ZSCAN5A: variants seen among roughly 807,000 people sequenced by gnomAD.
ZSCAN5A encodes the protein zinc finger and SCAN domain-containing protein 5A.
In ZSCAN5A, 12 loss-of-function variants were observed where a neutral mutation model predicts 23.7. The ratio of observed to expected loss-of-function variants is 0.51; its 90% CI spans 0.32 to 0.82. The LOEUF (loss-of-function observed/expected upper bound fraction) is 0.82, where lower values mean the gene tolerates loss of function less well. Among genes scored for constraint, ZSCAN5A ranks in the 40% least tolerant of loss-of-function variants. The pLI, the probability that ZSCAN5A is intolerant of heterozygous loss-of-function variation, is 0.03. For synonymous variants in ZSCAN5A, 257 were observed against 239.9 expected, an observed-to-expected ratio of 1.07 and a Z score of -0.66; for missense variants, 597 against 617.9, an observed-to-expected ratio of 0.97 and a Z score of 0.36.
At chr19:56,326,105 T>C (rs112540465) in intron 2 of ZSCAN5A, among the ~76,000 whole-genome samples, 4,660 of 151,950 alleles carry the variant, frequency 0.031, 215 homozygotes, top group African/African-American at 0.1. Flanking sequence ...GCTAATTTTT[T>C]TTTTTGTATT....
chr19:56,368,062 G>C (rs1395327387), intron 1 of ZSCAN5A: 1 of 152,344 alleles, frequency 6.6e-6, no homozygotes, highest in Non-Finnish European at 1.5e-5. Flanking sequence ...TTGATTCTCT[G>C]CGCAGGCGCA....
intron 2 of ZSCAN5A, among the ~76,000 whole-genome samples, chr19:56,348,361 T>C (rs2041647951): frequency 6.6e-6 from 1 of 152,176 alleles, no homozygotes; most frequent in Admixed American, 6.5e-5. Flanking sequence ...TGCAAGCCAT[T>C]GTCATGATAG....
At chr19:56,341,702 C>CAAAAGAA (rs2041593596) in intron 2 of ZSCAN5A, among the ~76,000 whole-genome samples, 1 of 53,782 alleles carries the variant, frequency 1.9e-5, no homozygotes, top group Non-Finnish European at 3.5e-5. Context: ...TACCAAAAGG[C>CAAAAGAA]AAAAAAAAAA....
intron 2 of ZSCAN5A, among the ~76,000 whole-genome samples, chr19:56,329,250 G>C (rs185719234): frequency 4.7e-4 from 71 of 152,008 alleles, no homozygotes; most frequent in African/African-American, 1.7e-3. Context: ...TTAAGAGGCT[G>C]AGGCACGAGA....
At chr19:56,249,732 G>C (rs1487104282) in intron 2 of ZSCAN5A, among the ~76,000 whole-genome samples, 2 of 152,156 alleles carry the variant, frequency 1.3e-5, no homozygotes, top group African/African-American at 4.8e-5. Context: ...CTATTTTATT[G>C]AGACCTCCTC....
chr19:56,228,247 C>T (rs1465624208), intron 2 of ZSCAN5A: 57 of 985,254 alleles, frequency 5.8e-5, no homozygotes, highest in Non-Finnish European at 6.5e-5. Context: ...CCGCTGGACA[C>T]TCACCTCCTT....
At chr19:56,233,118 G>T (rs1368055501) in intron 2 of ZSCAN5A, among the ~76,000 whole-genome samples, 1 of 152,130 alleles carries the variant, frequency 6.6e-6, no homozygotes, top group Non-Finnish European at 1.5e-5. Flanking sequence ...TTTAGGAGTT[G>T]GCAGTGTCAA....
chr19:56,343,559 G>C, intron 2 of ZSCAN5A: 3 of 357,416 alleles, frequency 8.4e-6, no homozygotes, highest in Non-Finnish European at 1.6e-5. Context: ...AACCCTGAGA[G>C]AGGTACTATT....
At chr19:56,292,046 T>A (rs931296034) in intron 2 of ZSCAN5A, among the ~76,000 whole-genome samples, 16 of 152,190 alleles carry the variant, frequency 1.1e-4, no homozygotes, top group African/African-American at 3.4e-4. Flanking sequence ...AGACTGGGCA[T>A]CCCAGTGGTG....
chr19:56,333,349 T>A (rs1473477320), intron 2 of ZSCAN5A, among the ~76,000 whole-genome samples: 1 of 151,724 alleles, frequency 6.6e-6, no homozygotes, highest in African/African-American at 2.4e-5. Flanking sequence ...AGACTTTATT[T>A]TTTTTTTAAT....
chr19:56,366,218 C>T (rs915716860), intron 1 of ZSCAN5A, among the ~76,000 whole-genome samples: 26 of 152,028 alleles, frequency 1.7e-4, no homozygotes, highest in African/African-American at 6.0e-4. Context: ...CCGAGGCGGG[C>T]GGATCACGAG....
At chr19:56,222,781 A>G (rs1017842317) in intron 4 of ZSCAN5A, 40 bp from the exon 5 acceptor site, 4 of 1,613,574 alleles carry the variant, frequency 2.5e-6, no homozygotes, top group Non-Finnish European at 3.4e-6. Flanking sequence ...GCTGTGTCCA[A>G]ACTGGTGGAA....
Position 56,251,148 on chromosome 19 carries a change from T to TAAA in ZSCAN5A, c.-127-25978_-127-25976dup, listed in dbSNP as rs34825803. Reference sequence around the variant, plus strand: ...CTGGGCAACAGAGCTAGACTCCGTGTAAAAAAAAAAAAAAAAAAGACCACT... The same window carrying TAAA: ...CTGGGCAACAGAGCTAGACTCCGTGTAAAAAAAAAAAAAAAAAAAAAGACCACT... On this transcript the variant is annotated intron_variant, in intron 2 of 5. Transcript: ENST00000683990. 3.6e-3 allele frequency among the ~76,000 whole-genome samples: 473 copies of TAAA among 131,030 alleles called. 5 individuals carry two copies. Among genetic ancestry groups the TAAA allele is most frequent in the African/African-American group, 9.9e-3 (343 of 34,810 alleles). The allele number at this position is 131,030 out of a possible 152,430, so 86.0% of individuals were successfully genotyped here. A position where few individuals can be genotyped will look rare whatever the true frequency, so the allele number is the denominator to read the frequency against.
At chr19:56,331,930 T>A (rs2041493828) in intron 2 of ZSCAN5A, among the ~76,000 whole-genome samples, 1 of 152,150 alleles carries the variant, frequency 6.6e-6, no homozygotes, top group Non-Finnish European at 1.5e-5. Context: ...AATTTCATTG[T>A]TTACCTAAAA....
chr19:56,366,422 C>CAAAAAAA (rs34420866), intron 1 of ZSCAN5A, among the ~76,000 whole-genome samples: 1 of 83,168 alleles, frequency 1.2e-5, no homozygotes, highest in Non-Finnish European at 2.8e-5. Flanking sequence ...GACTCTGTCT[C>CAAAAAAA]AAAAAAAAAA....
intron 2 of ZSCAN5A, among the ~76,000 whole-genome samples, chr19:56,260,725 C>T (rs1191727719): frequency 1.3e-5 from 2 of 152,146 alleles, no homozygotes; most frequent in East Asian, 1.9e-4. Flanking sequence ...AAAAGTAATA[C>T]TAAGGATACA....
At chr19:56,247,046 A>G in intron 2 of ZSCAN5A, 1 of 830,626 alleles carries the variant, frequency 1.2e-6, no homozygotes, top group Non-Finnish European at 2.1e-6. Flanking sequence ...GAAGCCAAGG[A>G]ACTGCTGCCC....
At chr19:56,311,991 C>T (rs2041067799) in intron 2 of ZSCAN5A, 1 of 152,176 alleles carries the variant, frequency 6.6e-6, no homozygotes, top group Non-Finnish European at 1.5e-5. Flanking sequence ...GTGAGCCACA[C>T]TTATTTCACA....
intron 2 of ZSCAN5A, among the ~76,000 whole-genome samples, chr19:56,302,601 TTCTTCCTCTCCC>T (rs2040397199): frequency 3.0e-5 from 2 of 66,082 alleles, no homozygotes; most frequent in Non-Finnish European, 6.0e-5. Context: ...CCTCTCCCTC[TTCTTCCTCTCCC>T]TCTTCCTCCC....
Sources: gnomAD v4.1 joint callset for allele counts (sites outside exome capture counted in the v4.1 genomes callset) on GRCh38, gnomAD v4.1.1 for gene constraint, MANE v1.5 for transcripts, NCBI Gene and HGNC (gene_info 2026-07-23, HGNC 2026-07-21) for gene names.